Variants in ATAD3B observed in about 807,000 individuals in gnomAD.
The protein encoded by ATAD3B is ATPase family AAA domain containing 3B.
A neutral mutation model predicts 70.2 loss-of-function variants in ATAD3B; 59 were observed. The ratio of observed to expected loss-of-function variants is 0.84; its 90% CI spans 0.68 to 1.04. The LOEUF is 1.04. ATAD3B is among the 50% of genes least tolerant of loss of function. The pLI is 0.00. For synonymous variants in ATAD3B, 423 were observed against 388.6 expected, an observed-to-expected ratio of 1.09 and a Z score of -1.04; for missense variants, 961 against 913.4, an observed-to-expected ratio of 1.05 and a Z score of -0.67.
At chr1:1,507,892 G>A in the ATAD3B span, among the ~76,000 whole-genome samples, 3 of 152,222 alleles carry the variant, frequency 2.0e-5, no homozygotes, top group Non-Finnish European at 2.9e-5. Flanking sequence ...CTGGGGCCTC[G>A]CCACGTGGTG....
rs992219204 is a variant in ATAD3B at position 1,495,526 on chromosome 1, C to T, written c.1656C>T (p.Ala552=). The T allele has an allele frequency of 6.2e-7, 1 of 1,612,242 alleles. No homozygotes were observed. Among genetic ancestry groups the T allele is most frequent in the African/African-American group, 1.3e-5 (1 of 75,032 alleles). ...CCAAGGACGGGGTCCTCACTGAGGC[C>T]ATGATGGACGCCTGTGTGCAAGATG... ...YASKDGVLTE[A]MMDACVQDAV... The change falls in exon 16 of 16, where the codon GCC becomes GCT. Residue 552 remains alanine (A), a synonymous_variant. Transcript: ENST00000673477.
intron 4 of ATAD3B, among the ~76,000 whole-genome samples, chr1:1,479,806 C>G (rs370416585): frequency 7.0e-6 from 1 of 143,372 alleles, no homozygotes; most frequent in East Asian, 2.2e-4. Flanking sequence ...TGGGCCCGCT[C>G]ACACAGCCCA....
chr1:1,490,287 T>G lies in ATAD3B; in HGVS notation c.1368T>G (p.Pro456=). ...TGCTGGTCCTGGCCAGCAATCTGCC[T>G]GAGCAGTTCGACTGTGCCATCAACA... The part of the protein sequence containing the change: ...KFMLVLASNL[P]EQFDCAINSR... Residue 456 remains proline, a synonymous_variant, in exon 14 of 16, where the codon CCT becomes CCG. Transcript: ENST00000673477. 1 of 1,613,074 alleles carries G rather than the reference T, an allele frequency of 6.2e-7. No individual in the cohort carries two copies. The highest frequency in any genetic ancestry group is 8.5e-7 in the Non-Finnish European group (1 of 1,179,664).
intron 13 of ATAD3B, chr1:1,489,943 C>T (rs1414280138): frequency 4.8e-6 from 6 of 1,248,624 alleles, no homozygotes; most frequent in Non-Finnish European, 6.1e-6. Context: ...GCTCCCAGCA[C>T]AGCGGGGCTC....
intron 2 of ATAD3B, among the ~76,000 whole-genome samples, 162 bp downstream of exon 2, chr1:1,477,512 G>A (rs1466280869): frequency 1.3e-5 from 2 of 151,852 alleles, no homozygotes; most frequent in African/African-American, 4.8e-5. Context: ...GGAAACAAGG[G>A]GAGGTGAGAG....
At position 1,486,607 on chromosome 1, in the gene ATAD3B, G is replaced by A; in HGVS notation, c.1153G>A (p.Gly385Arg). 6.2e-7 allele frequency: 1 copy of A among 1,611,368 alleles called. No individual in the cohort carries two copies. Among genetic ancestry groups the A allele is most frequent in the Non-Finnish European group, 8.5e-7 (1 of 1,179,322 alleles). Reference protein sequence around the residue: ...IMTGGDVAPMGREGVTAMHKL... With the variant: ...IMTGGDVAPMRREGVTAMHKL... ...GACAGGCGGGGACGTGGCCCCCATG[G>A]GGCGGGAAGGCGTGACCGCCATGCA... The change falls in exon 11 of 16, where the codon GGG (glycine) becomes AGG (arginine). Residue 385 changes from glycine to arginine, a missense_variant. Physicochemically the swap from Gly to Arg is moderately radical, Grantham distance 125. This residue lies in a region of ATAD3B where 349 missense variants were observed against 307.5 expected (regional missense o/e 1.14). Coordinates refer to ENST00000673477, the MANE Select transcript of ATAD3B (RefSeq NM_031921.6).
chr1:1,505,521 G>A, the ATAD3B span, among the ~76,000 whole-genome samples: 12 of 152,126 alleles, frequency 7.9e-5, no homozygotes, highest in Non-Finnish European at 1.5e-4. Flanking sequence ...CGGGGAAAGG[G>A]AGACTCCCCT....
the ATAD3B span, among the ~76,000 whole-genome samples, chr1:1,507,947 C>T: frequency 6.6e-6 from 1 of 152,312 alleles, no homozygotes; most frequent in South Asian, 2.1e-4. Context: ...TGGGTCTTGC[C>T]CCAGAATCCC....
chr1:1,481,118 C>G (rs528392159), intron 5 of ATAD3B, among the ~76,000 whole-genome samples, 182 bp downstream of exon 5: 10 of 139,540 alleles, frequency 7.2e-5, no homozygotes, highest in African/African-American at 2.9e-4. Flanking sequence ...TGCGAGTGGA[C>G]GCCAGGATCT....
In ATAD3B at chr1:1,496,142, G is replaced by T; in HGVS notation, c.*325G>T. The T allele has an allele frequency of 2.7e-6, 3 of 1,108,520 alleles. 1 individual carries two copies. Among genetic ancestry groups the T allele is most frequent in the South Asian group, 3.8e-5 (1 of 26,384 alleles). 68.7% of individuals were successfully genotyped at this position (1,108,520 alleles called of 1,614,324 possible). A position where few individuals can be genotyped will look rare whatever the true frequency, so the allele number is the denominator to read the frequency against. On this transcript the variant is annotated 3_prime_UTR_variant, in exon 16 of 16. Transcript: ENST00000673477. ...TCTGAGGCCGCCCTGTCAGCTGGCC[G>T]GTCCAAGCCTGTGGCTGGAGCTGGT...
chr1:1,481,175 C>T lies in ATAD3B; in HGVS notation c.514+239C>T, dbSNP rs61777876. Among the ~76,000 whole-genome samples the T allele has an allele frequency of 1.9e-3, 235 of 121,784 alleles. 5 individuals are homozygous for T. The highest frequency in any genetic ancestry group is 8.0e-3 in the African/African-American group (220 of 27,498). The allele number at this position is 121,784 out of a possible 152,430, so 79.9% of individuals were successfully genotyped here. On this transcript the variant is annotated intron_variant, in intron 5 of 15. Coordinates refer to ENST00000673477, the MANE Select transcript of ATAD3B (RefSeq NM_031921.6). ...CTTCACTTCATGGGAAGTACAGGGG[C>T]CTTTTTTTTTTTTTTGAGACGGAGT...
intron 7 of ATAD3B, chr1:1,483,340 G>A (rs568567840): frequency 2.7e-5 from 7 of 256,092 alleles, no homozygotes; most frequent in South Asian, 2.4e-4. Flanking sequence ...GGTGGCGTGC[G>A]CCTGGAATCC....
At chr1:1,482,841 G>A (rs3979434) in intron 7 of ATAD3B, 6 of 651,650 alleles carry the variant, frequency 9.2e-6, no homozygotes, top group Non-Finnish European at 1.6e-5. Flanking sequence ...CCATCTCTAC[G>A]AAGAATAAAA....
In ATAD3B at chr1:1,480,790, G is replaced by A. The variant is rs557549524; in HGVS notation, c.445-77G>A. 5.9e-5 allele frequency: 94 copies of A among 1,583,794 alleles called. 4 individuals carry two copies. The highest frequency in any genetic ancestry group is 7.7e-5 in the Non-Finnish European group (90 of 1,165,912). On this transcript the variant is annotated intron_variant, in intron 4 of 15. Transcript: ENST00000673477. ...GCTTGGAGTTCTGTGGTCCTGGGGC[G>A]GACGCAACCTCTGGATTGGTGTTGA... is the stretch of plus-strand genomic sequence containing the variant.
In ATAD3B at chr1:1,490,359, G is replaced by A; in HGVS notation, c.1440G>A (p.Glu480=). 6.2e-7 allele frequency: 1 copy of A among 1,613,472 alleles called. No homozygotes were observed. The highest frequency in any genetic ancestry group is 8.5e-7 in the Non-Finnish European group (1 of 1,179,696). Residue 480 remains glutamate (E), a synonymous_variant, in exon 14 of 16, where the codon GAG becomes GAA. Coordinates refer to ENST00000673477, the MANE Select transcript of ATAD3B (RefSeq NM_031921.6). ...ACTTCGACCTGCCGCAGCAGGAGGA[G>A]CGGGAGCGCCTGGTGAGACTGCATT... ...MVHFDLPQQE[E]RERLVRLHFD... is the part of the protein sequence containing the mutation.
At chr1:1,498,193 C>T (rs1169651055), downstream of ATAD3B, among the ~76,000 whole-genome samples, 1 of 152,014 alleles carries the variant, frequency 6.6e-6, no homozygotes, top group Non-Finnish European at 1.5e-5. Context: ...ATCCCAGCTA[C>T]TCGGGAGGCC....
chr1:1,492,618 G>GA (rs1557429963), intron 15 of ATAD3B, among the ~76,000 whole-genome samples: 1 of 119,698 alleles, frequency 8.4e-6, no homozygotes, highest in Non-Finnish European at 1.5e-5. Context: ...AGTGTGCCGA[G>GA]ACCCCACCTC....
chr1:1,505,034 A>C, the ATAD3B span, among the ~76,000 whole-genome samples: 1 of 152,172 alleles, frequency 6.6e-6, no homozygotes, highest in East Asian at 1.9e-4. Flanking sequence ...GTGTAGAAAT[A>C]AAGACACAAG....
chr1:1,495,619 C>A lies in ATAD3B; in HGVS notation c.1749C>A (p.His583Gln), dbSNP rs562772300. The A allele has an allele frequency of 1.2e-6, 2 of 1,613,028 alleles. No homozygotes were observed. The highest frequency in any genetic ancestry group is 1.3e-5 in the African/African-American group (1 of 75,028). ...AGGGGCCTGGGCGCGGGGTCGAGCA[C>A]CCCCTATCCGGAGTCCAAGGCGAGA... ...KAEGPGRGVE[H>Q]PLSGVQGETL... Residue 583 changes from histidine to glutamine, a missense_variant, in exon 16 of 16, where the codon CAC becomes CAA. Physicochemically the swap from His to Gln is conservative, Grantham distance 24 (BLOSUM62 0). This residue lies in a region of ATAD3B where 417 missense variants were observed against 335.0 expected (regional missense o/e 1.24). Coordinates refer to ENST00000673477, the MANE Select transcript of ATAD3B (RefSeq NM_031921.6).
Sources: allele counts gnomAD v4.1 joint callset (sites outside exome capture counted in the v4.1 genomes callset), GRCh38; gene constraint gnomAD v4.1.1; regional missense constraint gnomAD v4.1.1; transcripts MANE v1.5; gene names NCBI Gene and HGNC (gene_info 2026-07-23, HGNC 2026-07-21).